PRKN: variants seen among roughly 807,000 people sequenced by gnomAD.
The protein encoded by PRKN is parkin RBR E3 ubiquitin protein ligase, also known as E3 ubiquitin-protein ligase parkin.
In PRKN, 56 loss-of-function variants were observed where a neutral mutation model predicts 59.5. That is an observed-to-expected ratio of 0.94 (90% confidence interval 0.76 to 1.18). The LOEUF is 1.18. Ranked by LOEUF, PRKN falls within the 50% of genes most tolerant of loss-of-function variation. The pLI, the probability that PRKN is intolerant of heterozygous loss-of-function variation, is 0.00. For missense variants in PRKN, 657 were observed against 596.4 expected (o/e 1.10, Z -1.06); for synonymous variants, 250 against 222.1 (o/e 1.13, Z -1.12).
At position 161,418,493 on chromosome 6, in the gene PRKN, C is replaced by T. The variant is rs541088560; in HGVS notation, c.1084-31616G>A. ...GGTTCTTTGCTCTTTGAAATCAAAA[C>T]ATTCTGTATTATTTCTGGGATTATA... On this transcript the variant is annotated intron_variant, in intron 9 of 11. Transcript: ENST00000366898. Among the ~76,000 whole-genome samples the T allele has an allele frequency of 2.6e-5, 4 of 152,188 alleles. No homozygotes were observed. In the South Asian group the frequency reaches 8.3e-4, roughly 32 times the overall value.
Position 161,757,933 on chromosome 6 carries a change from G to GTATA in PRKN, c.871+27835_871+27838dup, listed in dbSNP as rs1415902228. Among the ~76,000 whole-genome samples the GTATA allele has an allele frequency of 1.1e-3, 112 of 101,440 alleles. 3 individuals are homozygous for GTATA. In the South Asian group the frequency reaches 0.038, roughly 34 times the overall value. 66.5% of individuals were successfully genotyped at this position (101,440 alleles called of 152,430 possible). A position where few individuals can be genotyped will look rare whatever the true frequency, so the allele number is the denominator to read the frequency against. On this transcript the variant is annotated intron_variant, in intron 7 of 11. Coordinates refer to ENST00000366898, the MANE Select transcript of PRKN (RefSeq NM_004562.3). ...CACACACACACACATCTCTCTCTCTGTATATATATGTATATATATATACAG... is the reference window on the plus strand; with the variant it reads ...CACACACACACACATCTCTCTCTCTGTATATATATATATGTATATATATATACAG...
In PRKN at chr6:161,498,326, C is replaced by G. The variant is rs886195085; in HGVS notation, c.1083+50528G>C. Among the ~76,000 whole-genome samples, 2 of 152,010 alleles carry G rather than the reference C, an allele frequency of 1.3e-5. No individual in the cohort carries two copies. The highest frequency in any genetic ancestry group is 2.9e-5 in the Non-Finnish European group (2 of 67,992). On this transcript the variant is annotated intron_variant, in intron 9 of 11. Coordinates refer to ENST00000366898, the MANE Select transcript of PRKN (RefSeq NM_004562.3). This position sits in a 1 kb window ranked among gnomAD's most constrained non-coding sequence, Gnocchi z 4.2. ...ATTTATTACATTTGTTATGTTACTC[C>G]TCTCCTCAACGATCCCATTATAATT...
intron 5 of PRKN, among the ~76,000 whole-genome samples, chr6:162,037,433 T>A (rs1433398590): frequency 6.6e-6 from 1 of 152,172 alleles, no homozygotes; most frequent in Non-Finnish European, 1.5e-5. Flanking sequence ...CCGTGTGTTT[T>A]CATGTGTACA....
chr6:161,748,497 C>G (rs2128193862), intron 7 of PRKN, among the ~76,000 whole-genome samples: 1 of 152,172 alleles, frequency 6.6e-6, no homozygotes, highest in African/African-American at 2.4e-5. Context: ...GATTTTGGCT[C>G]AGAAAATCAC....
chr6:162,652,833 T>A (rs547568975), intron 1 of PRKN, among the ~76,000 whole-genome samples: 2 of 152,216 alleles, frequency 1.3e-5, no homozygotes, highest in Admixed American at 6.5e-5. Context: ...AATTGAGAAC[T>A]AACCCCCCGA....
intron 5 of PRKN, among the ~76,000 whole-genome samples, chr6:162,051,790 C>G (rs1267705514): frequency 1.3e-5 from 2 of 152,138 alleles, no homozygotes; most frequent in South Asian, 2.1e-4. Flanking sequence ...CCCACACTAC[C>G]CTGGAGCAAA....
chr6:161,830,503 C>T (rs1792451744), intron 6 of PRKN, among the ~76,000 whole-genome samples: 1 of 152,158 alleles, frequency 6.6e-6, no homozygotes, highest in African/African-American at 2.4e-5. Flanking sequence ...CTGCCCGCCT[C>T]GGCCTCCCAA....
chr6:161,999,147 C>T (rs1781952948), intron 5 of PRKN, among the ~76,000 whole-genome samples: 1 of 152,072 alleles, frequency 6.6e-6, no homozygotes, highest in Admixed American at 6.6e-5. Context: ...CCTATAAACC[C>T]CTCTTCACAC....
chr6:162,386,537 C>G (rs1425831762), intron 2 of PRKN, among the ~76,000 whole-genome samples: 1 of 152,174 alleles, frequency 6.6e-6, no homozygotes, highest in Non-Finnish European at 1.5e-5. Context: ...TCTGGTGGGT[C>G]TGGTAAGGCT....
intron 1 of PRKN, among the ~76,000 whole-genome samples, chr6:162,494,072 T>C (rs1792941521): frequency 6.6e-6 from 1 of 152,226 alleles, no homozygotes; most frequent in African/African-American, 2.4e-5. Flanking sequence ...GTGGAGATGC[T>C]GCAATGTGCC....
chr6:162,379,062 C>A (rs1786281867), intron 2 of PRKN, among the ~76,000 whole-genome samples: 1 of 152,188 alleles, frequency 6.6e-6, no homozygotes, highest in South Asian at 2.1e-4. Flanking sequence ...GCTGTTTATT[C>A]TCTAAACTCC....
intron 4 of PRKN, among the ~76,000 whole-genome samples, chr6:162,112,971 A>G (rs543609586): frequency 6.6e-6 from 1 of 152,274 alleles, no homozygotes; most frequent in Non-Finnish European, 1.5e-5. Context: ...TGCCTCTCAG[A>G]GAACTGATTC....
chr6:162,372,567 G>A (rs1220783170), intron 2 of PRKN, among the ~76,000 whole-genome samples: 3 of 152,138 alleles, frequency 2.0e-5, no homozygotes, highest in African/African-American at 7.2e-5. Context: ...AGAGAGGGGA[G>A]TGAGGGAGGA....
intron 9 of PRKN, among the ~76,000 whole-genome samples, chr6:161,543,118 A>G (rs890615755): frequency 6.6e-6 from 1 of 152,192 alleles, no homozygotes; most frequent in Non-Finnish European, 1.5e-5. Context: ...TAAACTCAAT[A>G]ATTAGTTAAA....
At position 161,500,637 on chromosome 6, in the gene PRKN, G is replaced by A. The variant is rs138622914; in HGVS notation, c.1083+48217C>T. ...ATGTCTTCCCATGGCTTGACAGTAC[G>A]TTTCTTTTTAGCATGGAATAATATC... On this transcript the variant is annotated intron_variant, in intron 9 of 11. Transcript: ENST00000366898. Among the ~76,000 whole-genome samples, 4 of 152,200 alleles carry A rather than the reference G, an allele frequency of 2.6e-5. 1 individual carries two copies. The highest frequency in any genetic ancestry group is 3.9e-4 in the East Asian group (2 of 5,182).
intron 1 of PRKN, among the ~76,000 whole-genome samples, chr6:162,490,277 T>C (rs1024332750): frequency 6.6e-6 from 1 of 152,234 alleles, no homozygotes; most frequent in African/African-American, 2.4e-5. Flanking sequence ...TACCCTTTTA[T>C]GAAATATTTA....
At chr6:161,523,600 T>C (rs954946029) in intron 9 of PRKN, among the ~76,000 whole-genome samples, 1 of 152,228 alleles carries the variant, frequency 6.6e-6, no homozygotes, top group African/African-American at 2.4e-5. Context: ...GAACTAGCTA[T>C]GTGACAGCTC....
intron 4 of PRKN, among the ~76,000 whole-genome samples, chr6:162,097,470 G>C (rs1779793958): frequency 6.6e-6 from 1 of 152,186 alleles, no homozygotes; most frequent in African/African-American, 2.4e-5. Flanking sequence ...GCAAGTGGTG[G>C]AGACAGGATT....
intron 5 of PRKN, among the ~76,000 whole-genome samples, chr6:161,986,638 G>T (rs1312013916): frequency 6.6e-6 from 1 of 152,020 alleles, no homozygotes; most frequent in African/African-American, 2.4e-5. Context: ...TACTGGAAGG[G>T]TTCATCACTG....
Sources: allele counts gnomAD v4.1 joint callset (sites outside exome capture counted in the v4.1 genomes callset), GRCh38; gene constraint gnomAD v4.1.1; non-coding constraint Gnocchi (gnomAD v3.1); transcripts MANE v1.5; gene names NCBI Gene and HGNC (gene_info 2026-07-23, HGNC 2026-07-21).